CPA6: variants seen among roughly 807,000 people sequenced by gnomAD.
CPA6 encodes carboxypeptidase A6, also known as carboxypeptidase B.
A neutral mutation model predicts 63.3 loss-of-function variants in CPA6; 58 were observed. The observed-to-expected ratio is 0.92, with a 90% CI of 0.74 to 1.14. CPA6 has a LOEUF of 1.14. Among genes scored for constraint, CPA6 ranks in the 50% most tolerant of loss-of-function variants. The pLI, the probability that CPA6 is intolerant of heterozygous loss-of-function variation, is 0.00. For synonymous variants in CPA6, 185 were observed against 179.0 expected (o/e 1.03, Z -0.27); for missense variants, 565 against 526.6 (o/e 1.07, Z -0.71).
At chr8:67,492,928 T>C (rs1267327060) in intron 6 of CPA6, among the ~76,000 whole-genome samples, 2 of 151,828 alleles carry the variant, frequency 1.3e-5, no homozygotes, top group Non-Finnish European at 2.9e-5. Context: ...ATGAAGGAGA[T>C]TGGGGAGAGT....
chr8:67,465,074 C>T (rs981966270), intron 8 of CPA6, among the ~76,000 whole-genome samples: 1 of 152,086 alleles, frequency 6.6e-6, no homozygotes, highest in Non-Finnish European at 1.5e-5. Context: ...ATAGGAATAG[C>T]ATGGAATCTG....
chr8:67,440,327 T>G (rs1023012113), intron 8 of CPA6, among the ~76,000 whole-genome samples: 1 of 152,028 alleles, frequency 6.6e-6, no homozygotes, highest in Non-Finnish European at 1.5e-5. Flanking sequence ...TCCCAACACT[T>G]TGGGAGGCTG....
chr8:67,581,995 A>G (rs1001086542), intron 2 of CPA6, among the ~76,000 whole-genome samples: 3 of 152,170 alleles, frequency 2.0e-5, no homozygotes, highest in African/African-American at 4.8e-5. Flanking sequence ...AAATAGTACT[A>G]GAGTTATTAG....
At chr8:67,734,909 G>C (rs2129003505) in intron 1 of CPA6, among the ~76,000 whole-genome samples, 1 of 152,330 alleles carries the variant, frequency 6.6e-6, no homozygotes, top group East Asian at 1.9e-4. Context: ...CTTAAAGGGA[G>C]ATAGGGGAAA....
At chr8:67,484,591 C>T (rs1037000996) in intron 7 of CPA6, 88 bp downstream of exon 7, 2 of 645,662 alleles carry the variant, frequency 3.1e-6, no homozygotes, top group Admixed American at 2.7e-5. Context: ...ATTGCCTGTC[C>T]AGCTTCTTTC....
chr8:67,703,418 C>T (rs1817066423), intron 1 of CPA6, among the ~76,000 whole-genome samples: 1 of 152,152 alleles, frequency 6.6e-6, no homozygotes, highest in East Asian at 1.9e-4. Flanking sequence ...TTGGGGTTTC[C>T]TCTGCTTTTT....
chr8:67,597,323 C>T (rs146575852), intron 2 of CPA6, among the ~76,000 whole-genome samples: 2,280 of 151,796 alleles, frequency 0.015, 42 homozygotes, highest in African/African-American at 0.052. Flanking sequence ...CTCAGCCTCC[C>T]GAGTAGCTGG....
At chr8:67,625,167 G>A (rs1815167909) in intron 1 of CPA6, among the ~76,000 whole-genome samples, 1 of 152,084 alleles carries the variant, frequency 6.6e-6, no homozygotes, top group African/African-American at 2.4e-5. Flanking sequence ...GTTTCTTTCA[G>A]TTCTTTGATA....
chr8:67,614,031 T>A (rs1814877530), intron 2 of CPA6, among the ~76,000 whole-genome samples: 2 of 152,084 alleles, frequency 1.3e-5, no homozygotes, highest in African/African-American at 2.4e-5. Flanking sequence ...CTTGCATTCA[T>A]CCTTCAAGCC....
At chr8:67,546,796 G>C (rs1812827003) in intron 2 of CPA6, among the ~76,000 whole-genome samples, 1 of 152,134 alleles carries the variant, frequency 6.6e-6, no homozygotes. Context: ...AGAGACTACA[G>C]GTGTGTGCCA....
chr8:67,527,540 T>C lies in CPA6; in HGVS notation c.193-9493A>G, dbSNP rs887910787. Among the ~76,000 whole-genome samples the C allele has an allele frequency of 7.2e-4, 109 of 152,216 alleles. 2 individuals carry two copies. The highest frequency in any genetic ancestry group is 9.8e-4 in the Admixed American group (15 of 15,278). On this transcript the variant is annotated intron_variant, in intron 2 of 10. Transcript: ENST00000297770. ...AATAAAGGGGTTGAACTGAACTACC[T>C]GATTCCCATGTACTCCTTAAACTCT...
chr8:67,440,562 C>A (rs142387991), intron 8 of CPA6, among the ~76,000 whole-genome samples: 1 of 151,900 alleles, frequency 6.6e-6, no homozygotes, highest in African/African-American at 2.4e-5. Context: ...CAGAGAAAGA[C>A]CCTATCTCAA....
intron 1 of CPA6, among the ~76,000 whole-genome samples, chr8:67,734,628 T>C (rs1365360607): frequency 1.3e-5 from 2 of 152,224 alleles, no homozygotes; most frequent in African/African-American, 4.8e-5. Flanking sequence ...AGCAAATTTC[T>C]AACTGCTGCA....
intron 8 of CPA6, among the ~76,000 whole-genome samples, chr8:67,453,232 C>T (rs1163841213): frequency 1.3e-5 from 2 of 151,876 alleles, no homozygotes; most frequent in African/African-American, 4.8e-5. Flanking sequence ...CAGAAGTGGT[C>T]AGAAAGGGTT....
intron 2 of CPA6, among the ~76,000 whole-genome samples, chr8:67,525,539 CTCTA>C (rs963102292): frequency 2.6e-5 from 4 of 152,156 alleles, no homozygotes; most frequent in Non-Finnish European, 4.4e-5. Context: ...TCTGGTAAAA[CTCTA>C]TTTTGGTGTC....
chr8:67,739,851 A>G (rs930341246), intron 1 of CPA6, among the ~76,000 whole-genome samples: 1 of 152,212 alleles, frequency 6.6e-6, no homozygotes, highest in Admixed American at 6.5e-5. Flanking sequence ...GCTCATCAAT[A>G]TGAGAAAGGA....
intron 6 of CPA6, among the ~76,000 whole-genome samples, chr8:67,501,154 A>C (rs1811823433): frequency 6.6e-6 from 1 of 152,110 alleles, no homozygotes; most frequent in Non-Finnish European, 1.5e-5. Flanking sequence ...TATCAATTTG[A>C]GTAGAATTGC....
intron 1 of CPA6, among the ~76,000 whole-genome samples, chr8:67,646,090 C>A (rs1815707322): frequency 6.6e-6 from 1 of 152,222 alleles, no homozygotes; most frequent in African/African-American, 2.4e-5. Context: ...CCTCTAACTT[C>A]ATTATAGTCT....
chr8:67,742,084 G>A (rs948703414), intron 1 of CPA6, among the ~76,000 whole-genome samples: 8 of 152,036 alleles, frequency 5.3e-5, no homozygotes, highest in Admixed American at 1.3e-4. Context: ...AATAATACTT[G>A]CATGAACAAA....
Sources: allele counts gnomAD v4.1 joint callset (sites outside exome capture counted in the v4.1 genomes callset), GRCh38; gene constraint gnomAD v4.1.1; transcripts MANE v1.5; gene names NCBI Gene and HGNC (gene_info 2026-07-23, HGNC 2026-07-21).